Variants in BBS9 observed in about 807,000 individuals in gnomAD.
The protein encoded by BBS9 is protein PTHB1.
A neutral mutation model predicts 117.7 loss-of-function variants in BBS9; 89 were observed. The observed-to-expected ratio is 0.76, with a 90% CI of 0.64 to 0.90. The LOEUF (loss-of-function observed/expected upper bound fraction) is 0.90. Ranked by LOEUF, BBS9 falls within the 40% of genes least tolerant of loss-of-function variation. The probability of loss-of-function intolerance (pLI) is 0.00; values close to 1 mark genes in which losing one functional copy is unlikely to be tolerated. For synonymous variants in BBS9, 379 were observed against 370.9 expected, an observed-to-expected ratio of 1.02 and a Z score of -0.25; for missense variants, 982 against 1,042.2, an observed-to-expected ratio of 0.94 and a Z score of 0.80.
chr7:33,192,026 T>C (rs1244531354), intron 5 of BBS9, among the ~76,000 whole-genome samples: 1 of 151,872 alleles, frequency 6.6e-6, no homozygotes, highest in Admixed American at 6.6e-5. Context: ...CAGTAGAATA[T>C]AATCCAGAAT....
At chr7:33,176,997 A>G (rs1797416253) in intron 4 of BBS9, among the ~76,000 whole-genome samples, 1 of 152,174 alleles carries the variant, frequency 6.6e-6, no homozygotes, top group African/African-American at 2.4e-5. Flanking sequence ...AGCTTAGAAA[A>G]TTTCTCAATT....
intron 9 of BBS9, among the ~76,000 whole-genome samples, chr7:33,328,211 C>T (rs148150504): frequency 2.0e-5 from 3 of 152,218 alleles, no homozygotes; most frequent in Non-Finnish European, 4.4e-5. Flanking sequence ...CTTCTGCATC[C>T]TCTGCCCTGT....
chr7:33,420,406 A>T (rs1164741448), intron 19 of BBS9, among the ~76,000 whole-genome samples: 1 of 152,136 alleles, frequency 6.6e-6, no homozygotes, highest in Admixed American at 6.5e-5. Flanking sequence ...ACTTATGCCA[A>T]ACAAGACCCT....
At chr7:33,139,085 T>G (rs891618623) in intron 1 of BBS9, among the ~76,000 whole-genome samples, 11 of 151,100 alleles carry the variant, frequency 7.3e-5, no homozygotes, top group Admixed American at 6.6e-4. Flanking sequence ...AAACCCCGTC[T>G]CTACTAAAAA....
intron 7 of BBS9, among the ~76,000 whole-genome samples, chr7:33,266,086 A>G (rs1447514110): frequency 6.6e-6 from 1 of 152,050 alleles, no homozygotes; most frequent in African/African-American, 2.4e-5. Flanking sequence ...TTCTAGGCAT[A>G]TGGTTTTTCT....
At chr7:33,449,383 C>G (rs990849951) in intron 19 of BBS9, among the ~76,000 whole-genome samples, 1 of 152,098 alleles carries the variant, frequency 6.6e-6, no homozygotes, top group Non-Finnish European at 1.5e-5. Context: ...AGATTTGTTT[C>G]CCAAATTTGT....
At chr7:33,536,687 C>CGCCCCCCGCCTTCCCCCT (rs1585169215) in intron 21 of BBS9, among the ~76,000 whole-genome samples, 1 of 135,286 alleles carries the variant, frequency 7.4e-6, no homozygotes, top group Non-Finnish European at 1.6e-5. Context: ...GCCTTCCCCC[C>CGCCCCCCGCCTTCCCCCT]GCCCCCCGCC....
chr7:33,460,554 A>T (rs1839316069), intron 19 of BBS9, among the ~76,000 whole-genome samples: 1 of 152,054 alleles, frequency 6.6e-6, no homozygotes, highest in South Asian at 2.1e-4. Context: ...ATAGACATAT[A>T]AAGAAAAATA....
intron 19 of BBS9, among the ~76,000 whole-genome samples, chr7:33,464,876 A>G (rs1839940936): frequency 1.3e-5 from 2 of 151,960 alleles, no homozygotes; most frequent in Admixed American, 6.6e-5. Flanking sequence ...CCCAGGCTGG[A>G]GTACAGTGGT....
chr7:33,165,725 G>A (rs1728367013), intron 4 of BBS9, among the ~76,000 whole-genome samples: 2 of 152,044 alleles, frequency 1.3e-5, no homozygotes, highest in Admixed American at 1.3e-4. Flanking sequence ...ATTCTAGTTA[G>A]CCATTCATCT....
Position 33,388,206 on chromosome 7 carries a change from G to A in BBS9, c.2115+62G>A, listed in dbSNP as rs1826389133. The A allele has an allele frequency of 3.9e-6, 6 of 1,558,396 alleles. No individual in the cohort carries two copies. The South Asian group carries it at 6.7e-5, about 17-fold the overall frequency. ...CTATACTTTTTTTTGTCACCCTAGA[G>A]TCATGTACCAGAATATCCAAGATAA... On this transcript the variant is annotated intron_variant, in intron 19 of 22. Coordinates refer to ENST00000242067, the MANE Select transcript of BBS9 (RefSeq NM_198428.3).
intron 7 of BBS9, among the ~76,000 whole-genome samples, chr7:33,268,074 CCTT>C (rs1799119259): frequency 6.6e-6 from 1 of 152,138 alleles, no homozygotes; most frequent in Non-Finnish European, 1.5e-5. Context: ...CAGGCAAGAT[CCTT>C]CTTAGTACTG....
intron 19 of BBS9, among the ~76,000 whole-genome samples, chr7:33,408,110 G>A (rs866542513): frequency 1.3e-5 from 2 of 152,244 alleles, no homozygotes; most frequent in Non-Finnish European, 2.9e-5. Flanking sequence ...CTTCCTGGCT[G>A]CTTTGTTTAC....
intron 21 of BBS9, 107 bp from the exon 22 acceptor site, chr7:33,604,758 G>A (rs1167283611): frequency 7.4e-6 from 6 of 814,752 alleles, no homozygotes; most frequent in South Asian, 2.9e-5. Context: ...TTGTTGTCAC[G>A]TCATTTATTA....
At chr7:33,386,474 T>G (rs1304166972) in intron 18 of BBS9, among the ~76,000 whole-genome samples, 1 of 149,104 alleles carries the variant, frequency 6.7e-6, no homozygotes, top group African/African-American at 2.5e-5. Flanking sequence ...ATTTATTTAT[T>G]TATTTATTTA....
chr7:33,273,335 T>G (rs900305632), intron 8 of BBS9, 140 bp downstream of exon 8: 2 of 935,748 alleles, frequency 2.1e-6, no homozygotes, highest in African/African-American at 3.3e-5. Context: ...ATTTTAACTT[T>G]CAAAGTTTGA....
chr7:33,511,601 G>C (rs1419298831), intron 20 of BBS9, among the ~76,000 whole-genome samples: 1 of 152,148 alleles, frequency 6.6e-6, no homozygotes, highest in Non-Finnish European at 1.5e-5. Flanking sequence ...ACCTTCCCTA[G>C]TACTGAACTT....
chr7:33,139,297 T>A (rs1791084049), intron 1 of BBS9, among the ~76,000 whole-genome samples: 1 of 151,234 alleles, frequency 6.6e-6, no homozygotes, highest in Admixed American at 6.6e-5. Flanking sequence ...AACAAGTTAA[T>A]GAGAAATGAA....
At chr7:33,567,023 A>G (rs1857026738) in intron 21 of BBS9, among the ~76,000 whole-genome samples, 1 of 152,204 alleles carries the variant, frequency 6.6e-6, no homozygotes. Flanking sequence ...AAAGGGAGAT[A>G]GGAATGATGA....
Sources: allele counts gnomAD v4.1 joint callset (sites outside exome capture counted in the v4.1 genomes callset), GRCh38; gene constraint gnomAD v4.1.1; transcripts MANE v1.5; gene names NCBI Gene and HGNC (gene_info 2026-07-23, HGNC 2026-07-21).